Variants in JADE3 observed in about 807,000 individuals in gnomAD.
JADE3 encodes the protein protein Jade-3.
Under a neutral mutation model 50.1 loss-of-function variants are expected in JADE3, and 2 were observed. That is an observed-to-expected ratio of 0.04 (90% CI 0.02 to 0.13). The LOEUF (loss-of-function observed/expected upper bound fraction) is 0.13, where lower values mean the gene tolerates loss of function less well. Ranked by LOEUF, JADE3 falls within the 10% of genes least tolerant of loss-of-function variation. The pLI, the probability that JADE3 is intolerant of heterozygous loss-of-function variation, is 1.00. For missense variants in JADE3, 475 were observed against 634.4 expected (o/e 0.75, Z 2.70); for synonymous variants, 218 against 232.9 (o/e 0.94, Z 0.58).
chrX:47,019,806 C>T (rs1928755371), intron 4 of JADE3, among the ~76,000 whole-genome samples: 1 of 111,692 alleles, frequency 9.0e-6, no homozygotes, highest in Non-Finnish European at 1.9e-5. Flanking sequence ...GTTGGCACAG[C>T]AGTATCCACA....
At chrX:47,005,997 C>A (rs1928407575) in intron 4 of JADE3, among the ~76,000 whole-genome samples, 1 of 111,187 alleles carries the variant, frequency 9.0e-6, no homozygotes, top group Non-Finnish European at 1.9e-5. Flanking sequence ...TCATAATGCC[C>A]CAAATGTCTA....
At chrX:46,999,855 GTT>G (rs781807140) in intron 4 of JADE3, among the ~76,000 whole-genome samples, 2 of 111,535 alleles carry the variant, frequency 1.8e-5, no homozygotes, top group African/African-American at 3.3e-5. Context: ...CTGAGTAAAA[GTT>G]TGAGTGAATG....
chrX:46,951,695 C>CTTTGTTATTTT (rs1490442864), intron 1 of JADE3, among the ~76,000 whole-genome samples: 2 of 109,191 alleles, frequency 1.8e-5, no homozygotes, highest in East Asian at 5.8e-4. Flanking sequence ...GTCCCTGAGG[C>CTTTGTTATTTT]TTTGTTATTT....
chrX:46,998,797 A>T (rs1345573670), intron 4 of JADE3, among the ~76,000 whole-genome samples: 1 of 110,540 alleles, frequency 9.0e-6, no homozygotes, highest in Non-Finnish European at 1.9e-5. Context: ...GGTTCAAGAG[A>T]TTCTCCTGCC....
At chrX:46,914,696 A>G (rs1926043459) in intron 1 of JADE3, among the ~76,000 whole-genome samples, 1 of 112,380 alleles carries the variant, frequency 8.9e-6, no homozygotes, top group Admixed American at 9.4e-5. Flanking sequence ...CTTTCTGTCC[A>G]GTCAATTCTG....
chrX:46,915,773 G>A (rs2147100036), intron 1 of JADE3, among the ~76,000 whole-genome samples: 1 of 109,973 alleles, frequency 9.1e-6, no homozygotes, highest in Admixed American at 9.7e-5. Context: ...AAAAAAAAGG[G>A]TCCTGGGAAA....
At chrX:47,002,971 C>A in intron 4 of JADE3, among the ~76,000 whole-genome samples, 1 of 111,212 alleles carries the variant, frequency 9.0e-6, no homozygotes, top group South Asian at 3.8e-4. Flanking sequence ...TGAGGAAGTT[C>A]ACCTCTACTC....
chrX:46,954,594 G>C (rs1353887345), intron 1 of JADE3, among the ~76,000 whole-genome samples: 1 of 110,823 alleles, frequency 9.0e-6, no homozygotes, highest in Non-Finnish European at 1.9e-5. Context: ...TCACTTTGTT[G>C]CCCAGGCTGG....
intron 1 of JADE3, among the ~76,000 whole-genome samples, chrX:46,938,356 T>C (rs1926680771): frequency 8.9e-6 from 1 of 111,792 alleles, no homozygotes; most frequent in African/African-American, 3.3e-5. Flanking sequence ...TTTGTGGTTG[T>C]TCTAGGGATT....
intron 1 of JADE3, among the ~76,000 whole-genome samples, chrX:46,961,206 T>C (rs1927251210): frequency 8.9e-6 from 1 of 112,068 alleles, no homozygotes; most frequent in Non-Finnish European, 1.9e-5. Flanking sequence ...TCATCAGATC[T>C]TTATTGAGTT....
intron 1 of JADE3, among the ~76,000 whole-genome samples, chrX:46,972,483 A>G (rs933645046): frequency 2.7e-5 from 3 of 112,410 alleles, no homozygotes; most frequent in African/African-American, 9.7e-5. Flanking sequence ...GGCGTGAGCC[A>G]CTGCACCCGG....
chrX:47,046,230 T>C (rs970679900), intron 8 of JADE3, among the ~76,000 whole-genome samples: 2 of 111,436 alleles, frequency 1.8e-5, no homozygotes, highest in African/African-American at 6.5e-5. Context: ...CAAAGGATCA[T>C]TAGAGGCTGC....
At chrX:47,019,114 G>A (rs967204414) in intron 4 of JADE3, among the ~76,000 whole-genome samples, 3 of 111,523 alleles carry the variant, frequency 2.7e-5, no homozygotes, top group Non-Finnish European at 5.7e-5. Flanking sequence ...AGTTCTCATG[G>A]CATCACTTCT....
rs1929739255 is a variant in JADE3, at chrX:47,060,247, G to GGT, written c.*1172_*1173dup. 1 of 99,703 alleles carries GGT rather than the reference G, an allele frequency of 1.0e-5. No homozygotes were observed. The highest frequency in any genetic ancestry group is 1.1e-4 in the Admixed American group (1 of 8,805). The allele number at this position is 99,703 out of a possible 1,213,427, so 8.2% of individuals were successfully genotyped here. A position where few individuals can be genotyped will look rare whatever the true frequency, so the allele number is the denominator to read the frequency against. On this transcript the variant is annotated 3_prime_UTR_variant, in exon 11 of 11. Coordinates refer to ENST00000614628, the MANE Select transcript of JADE3 (RefSeq NM_014735.5). ...GAATAATTACATTTGCGGGGGGGGG[G>GGT]GTGGATAAAAACATGTCTGCTTCTC...
intron 1 of JADE3, among the ~76,000 whole-genome samples, chrX:46,980,273 T>C (rs1396074091): frequency 9.0e-6 from 1 of 111,718 alleles, no homozygotes; most frequent in Non-Finnish European, 1.9e-5. Context: ...TTGTCAGATA[T>C]GTGTTTTATA....
At chrX:46,962,776 A>T (rs1417895950) in intron 1 of JADE3, among the ~76,000 whole-genome samples, 3 of 110,958 alleles carry the variant, frequency 2.7e-5, no homozygotes, top group Non-Finnish European at 3.8e-5. Context: ...GAAATTGCTG[A>T]TATGCAAACA....
rs782296166 is a variant in JADE3, at chrX:46,995,029, A to ATT, written c.127-3074_127-3073dup. Among the ~76,000 whole-genome samples, 51 of 96,326 alleles carry ATT rather than the reference A, an allele frequency of 5.3e-4. No homozygotes were observed. In the South Asian group the frequency reaches 0.019, roughly 35 times the overall value. 83.6% of individuals were successfully genotyped at this position (96,326 alleles called of 115,157 possible). On this transcript the variant is annotated intron_variant, in intron 3 of 10. Transcript: ENST00000614628. ...TGTCCCAGACCCATATTCCTTTAAG[A>ATT]TTTTTTTTTTTTTTTTTTGAGATGG... is the stretch of plus-strand genomic sequence containing the variant.
chrX:46,966,021 AATAG>A (rs1351964886), intron 1 of JADE3, among the ~76,000 whole-genome samples: 3 of 112,342 alleles, frequency 2.7e-5, no homozygotes, highest in African/African-American at 6.5e-5. Flanking sequence ...GGTTTGAGGA[AATAG>A]ATAGGTCCTA....
At position 46,983,823 on chromosome X, in the gene JADE3, A is replaced by G. The variant is rs782567495; in HGVS notation, c.-11-1061A>G. Among the ~76,000 whole-genome samples, 14 of 111,499 alleles carry G rather than the reference A, an allele frequency of 1.3e-4. 1 individual carries two copies. The highest frequency in any genetic ancestry group is 8.6e-4 in the Admixed American group (9 of 10,502). ...TTTTTAATTGAAATAACTTTCACCA[A>G]TTTTGCTGGGAAGAGGGTCGTCCAT... On this transcript the variant is annotated intron_variant, in intron 1 of 10. Transcript: ENST00000614628.
Sources: allele counts gnomAD v4.1 joint callset (sites outside exome capture counted in the v4.1 genomes callset), GRCh38; gene constraint gnomAD v4.1.1; transcripts MANE v1.5; gene names NCBI Gene and HGNC (gene_info 2026-07-23, HGNC 2026-07-21).